The following AOPEP variants were observed in gnomAD, a reference collection of about 807,000 sequenced individuals.
The protein encoded by AOPEP is aminopeptidase O (putative), also known as aminopeptidase O.
AOPEP carries 77 observed loss-of-function variants against 98.1 expected under a neutral mutation model. The observed-to-expected ratio is 0.78, with a 90% confidence interval of 0.65 to 0.95. The LOEUF is 0.95. Ranked by LOEUF, AOPEP falls within the 40% of genes least tolerant of loss-of-function variation. AOPEP has a pLI of 0.00. For synonymous variants in AOPEP, 346 were observed against 365.3 expected, an observed-to-expected ratio of 0.95 and a Z score of 0.60; for missense variants, 1,024 against 1,024.7, an observed-to-expected ratio of 1.00 and a Z score of 0.01.
chr9:94,727,193 C>G (rs1026377491), intron 1 of AOPEP, among the ~76,000 whole-genome samples: 1 of 152,222 alleles, frequency 6.6e-6, no homozygotes, highest in Non-Finnish European at 1.5e-5. Context: ...CCTCTTCTTC[C>G]CCCGGAGGAT....
chr9:94,731,070 C>G (rs1181573341), intron 1 of AOPEP, among the ~76,000 whole-genome samples: 3 of 152,178 alleles, frequency 2.0e-5, no homozygotes, highest in Non-Finnish European at 2.9e-5. Context: ...GCAGGACAGC[C>G]TCAGAGTTTC....
intron 5 of AOPEP, among the ~76,000 whole-genome samples, chr9:94,900,626 T>C (rs1346670240): frequency 6.6e-6 from 1 of 152,218 alleles, no homozygotes; most frequent in Non-Finnish European, 1.5e-5. Context: ...GAGTAGAAGA[T>C]TTCATGGGAA....
intron 5 of AOPEP, among the ~76,000 whole-genome samples, chr9:94,883,561 T>C (rs1322235675): frequency 2.0e-5 from 3 of 152,156 alleles, no homozygotes; most frequent in Non-Finnish European, 2.9e-5. Flanking sequence ...TTCAGTTTGT[T>C]ACACACTAAG....
At chr9:95,084,340 GATC>G (rs2070314346) in intron 16 of AOPEP, among the ~76,000 whole-genome samples, 1 of 152,166 alleles carries the variant, frequency 6.6e-6, no homozygotes, top group South Asian at 2.1e-4. Flanking sequence ...TCAGAAGCAT[GATC>G]ATATTCTTCC....
chr9:94,753,149 TAGAA>T (rs1410987367), intron 1 of AOPEP, among the ~76,000 whole-genome samples: 8 of 152,202 alleles, frequency 5.3e-5, no homozygotes, highest in Middle Eastern at 3.4e-3. Flanking sequence ...TCATGACCTA[TAGAA>T]TATAATAAAA....
At chr9:95,135,928 G>C in the AOPEP span, among the ~76,000 whole-genome samples, 3 of 152,184 alleles carry the variant, frequency 2.0e-5, no homozygotes, top group Non-Finnish European at 4.4e-5. Flanking sequence ...CCTACTAACT[G>C]TATGATCTCA....
intron 5 of AOPEP, among the ~76,000 whole-genome samples, chr9:94,853,633 T>C (rs1023832166): frequency 6.6e-6 from 1 of 152,188 alleles, no homozygotes; most frequent in Non-Finnish European, 1.5e-5. Flanking sequence ...CAAAGTGAGA[T>C]TTGAAAATGT....
chr9:94,962,730 CTTTTTTTTTTT>C (rs3992777), intron 9 of AOPEP, among the ~76,000 whole-genome samples: 1 of 129,760 alleles, frequency 7.7e-6, no homozygotes, highest in Non-Finnish European at 1.6e-5. Flanking sequence ...ATATTATCAT[CTTTTTTTTTTT>C]TTTTTTTTTG....
intron 5 of AOPEP, among the ~76,000 whole-genome samples, chr9:94,809,015 AG>A (rs1299157751): frequency 1.3e-5 from 2 of 152,230 alleles, no homozygotes; most frequent in African/African-American, 4.8e-5. Flanking sequence ...GCAGTTGGAA[AG>A]GGGTGGATGG....
chr9:94,830,429 T>C (rs1471670654), intron 5 of AOPEP, among the ~76,000 whole-genome samples: 3 of 152,260 alleles, frequency 2.0e-5, no homozygotes, highest in Non-Finnish European at 4.4e-5. Context: ...ATTTTCTTTA[T>C]CCAGCTTATC....
At chr9:95,142,250 T>C in the AOPEP span, among the ~76,000 whole-genome samples, 1 of 151,892 alleles carries the variant, frequency 6.6e-6, no homozygotes, top group Non-Finnish European at 1.5e-5. Context: ...GCCTCAGCCT[T>C]CCAAAGTGCT....
intron 5 of AOPEP, among the ~76,000 whole-genome samples, chr9:94,902,106 A>T (rs2050494021): frequency 6.6e-6 from 1 of 152,164 alleles, no homozygotes; most frequent in Non-Finnish European, 1.5e-5. Context: ...GAGTATCAAG[A>T]ACTCTAAGTT....
intron 13 of AOPEP, among the ~76,000 whole-genome samples, chr9:95,054,595 G>A (rs561700103): frequency 5.9e-5 from 9 of 152,304 alleles, no homozygotes; most frequent in South Asian, 2.1e-4. Context: ...TAGTATTTGC[G>A]AATGATGGTA....
the AOPEP span, among the ~76,000 whole-genome samples, chr9:95,125,840 C>T: frequency 6.6e-6 from 1 of 152,178 alleles, no homozygotes; most frequent in Non-Finnish European, 1.5e-5. Flanking sequence ...ATGGGCTCCC[C>T]TGGAAGAGGG....
chr9:94,955,269 A>G lies in AOPEP; in HGVS notation c.1754A>G (p.His585Arg). The G allele has an allele frequency of 3.1e-6, 5 of 1,609,898 alleles. No homozygotes were observed. Among genetic ancestry groups the G allele is most frequent in the Non-Finnish European group, 4.2e-6 (5 of 1,176,916 alleles). ...LNPEKIFMQVHYLKGYFLLRF... is the reference protein window; with the variant it reads ...LNPEKIFMQVRYLKGYFLLRF... ...CCGGAGAAGATCTTCATGCAGGTGC[A>G]TTATTTAAAGGTAAGCACATGTCAG... The change falls in exon 8 of 17, where the codon CAT becomes CGT. Residue 585 changes from histidine to arginine, a missense_variant. By Grantham distance (29) the His-to-Arg change is conservative (BLOSUM62 0). Around this residue, in one of 3 missense-constraint regions of AOPEP, gnomAD observed 566 missense variants for 551.7 expected, o/e 1.03. Coordinates refer to ENST00000375315, the MANE Select transcript of AOPEP (RefSeq NM_001193329.3).
intron 5 of AOPEP, among the ~76,000 whole-genome samples, chr9:94,899,704 C>T (rs1231831354): frequency 1.3e-5 from 2 of 151,650 alleles, no homozygotes; most frequent in African/African-American, 4.8e-5. Flanking sequence ...GAGCCATGAT[C>T]GCACCACTGC....
the AOPEP span, among the ~76,000 whole-genome samples, chr9:95,136,791 C>A: frequency 6.6e-6 from 1 of 152,200 alleles, no homozygotes; most frequent in Non-Finnish European, 1.5e-5. Flanking sequence ...CCAGACACAA[C>A]CATTTTGTGT....
chr9:94,895,228 AT>A (rs1343810407), intron 5 of AOPEP, among the ~76,000 whole-genome samples: 540 of 22,784 alleles, frequency 0.024, 21 homozygotes, highest in African/African-American at 0.042. Context: ...CTAAAAAAAA[AT>A]AAAATAAAAT....
chr9:94,860,316 G>A lies in AOPEP; in HGVS notation c.1364+59314G>A, dbSNP rs143412490. Among the ~76,000 whole-genome samples the A allele has an allele frequency of 1.4e-3, 215 of 151,606 alleles. 1 individual carries two copies. Among genetic ancestry groups the A allele is most frequent in the African/African-American group, 4.7e-3 (195 of 41,428 alleles). On this transcript the variant is annotated intron_variant, in intron 5 of 16. Coordinates refer to ENST00000375315, the MANE Select transcript of AOPEP (RefSeq NM_001193329.3). ...ATGAGATTGGCAGCATCATAAGGGCGTCAGACCAAGCAGGGCCTCATATAA... is the reference window on the plus strand; with the variant it reads ...ATGAGATTGGCAGCATCATAAGGGCATCAGACCAAGCAGGGCCTCATATAA...
Sources: gnomAD v4.1 joint callset for allele counts (sites outside exome capture counted in the v4.1 genomes callset) on GRCh38, gnomAD v4.1.1 for gene constraint, gnomAD v4.1.1 regional missense constraint, MANE v1.5 for transcripts, NCBI Gene and HGNC (gene_info 2026-07-23, HGNC 2026-07-21) for gene names.